The following CTSE variants were observed in gnomAD, a reference collection of about 807,000 sequenced individuals.
CTSE encodes erythrocyte membrane aspartic proteinase.
A neutral mutation model predicts 42.8 loss-of-function variants in CTSE; 43 were observed. The observed-to-expected ratio is 1.01, with a 90% confidence interval of 0.79 to 1.30. The LOEUF (loss-of-function observed/expected upper bound fraction) is 1.30. Among genes scored for constraint, CTSE ranks in the 50% most tolerant of loss-of-function variants. CTSE has a pLI of 0.00. For missense variants in CTSE, 532 were observed against 493.5 expected (o/e 1.08, Z -0.74); for synonymous variants, 205 against 191.5 (o/e 1.07, Z -0.58).
In CTSE at chr1:206,009,850, C is replaced by T. The variant is rs1368222295; in HGVS notation, c.*333G>A. 1 of 329,130 alleles carries T rather than the reference C, an allele frequency of 3.0e-6. No individual in the cohort carries two copies. Among genetic ancestry groups the T allele is most frequent in the East Asian group, 7.0e-5 (1 of 14,388 alleles). 20.4% of individuals were successfully genotyped at this position (329,130 alleles called of 1,614,324 possible). On this transcript the variant is annotated 3_prime_UTR_variant, in exon 9 of 9. Transcript: ENST00000358184. ...TGGAGTTGCAAAGGGATTTATTATA[C>T]CATGATCTCTGCTTGTGCATATGTT... is the stretch of plus-strand genomic sequence containing the variant.
chr1:206,010,849 G>A (rs1553276854), intron 8 of CTSE, among the ~76,000 whole-genome samples: 2 of 152,038 alleles, frequency 1.3e-5, no homozygotes, highest in East Asian at 3.8e-4. Flanking sequence ...TTTAGATGAG[G>A]CAAGTAGGCA....
At chr1:206,017,495 A>T (rs1553277828) in intron 4 of CTSE, among the ~76,000 whole-genome samples, 1 of 151,910 alleles carries the variant, frequency 6.6e-6, no homozygotes, top group Non-Finnish European at 1.5e-5. Flanking sequence ...TATAAATCCA[A>T]ATGATTTTTT....
chr1:206,018,772 T>C (rs782810765), intron 4 of CTSE, among the ~76,000 whole-genome samples: 6 of 152,006 alleles, frequency 3.9e-5, no homozygotes, highest in Non-Finnish European at 7.4e-5. Context: ...CTTTCTTTTT[T>C]CTTATTTAGT....
chr1:206,019,926 C>T (rs1205662392), intron 4 of CTSE, among the ~76,000 whole-genome samples: 1 of 140,742 alleles, frequency 7.1e-6, no homozygotes, highest in Non-Finnish European at 1.5e-5. Context: ...TTATATAACA[C>T]ATACTATATT....
chr1:206,014,018 C>G, intron 5 of CTSE, 124 bp from the exon 6 acceptor site: 1 of 1,091,174 alleles, frequency 9.2e-7, no homozygotes, highest in Non-Finnish European at 1.3e-6. Context: ...AAACATCAGT[C>G]TGGGCTTTGA....
intron 3 of CTSE, chr1:206,021,385 G>A: frequency 1.8e-6 from 1 of 545,332 alleles, no homozygotes; most frequent in Non-Finnish European, 3.3e-6. Flanking sequence ...CTATCCCTGA[G>A]CAAACCTGAT....
intron 5 of CTSE, among the ~76,000 whole-genome samples, chr1:206,015,245 C>T (rs568094070): frequency 6.6e-6 from 1 of 152,206 alleles, no homozygotes; most frequent in South Asian, 2.1e-4. Context: ...TTTTACAGAA[C>T]TGGAACTTTA....
intron 1 of CTSE, 30 bp from the exon 2 acceptor site, chr1:206,023,087 A>G (rs1558156415): frequency 7.3e-7 from 1 of 1,364,646 alleles, no homozygotes; most frequent in Non-Finnish European, 9.8e-7. Context: ...TAAGCAGGAG[A>G]TGTACTTCTG....
At chr1:206,016,580 C>A (rs886200729) in intron 4 of CTSE, among the ~76,000 whole-genome samples, 3 of 151,946 alleles carry the variant, frequency 2.0e-5, no homozygotes, top group African/African-American at 7.2e-5. Flanking sequence ...GTTTACTTTT[C>A]ACATTGCGAT....
chr1:206,023,856 A>G lies in CTSE; in HGVS notation c.-65T>C. 1.3e-6 allele frequency: 2 copies of G among 1,546,454 alleles called. No individual in the cohort carries two copies. Among genetic ancestry groups the G allele is most frequent in the East Asian group, 4.5e-5 (2 of 44,410 alleles). ...TCTTCTCTCCCCGAGGGCAGTGGGA[A>G]CGGACTTTCCCTAACTCTCAGACCT... is the stretch of plus-strand genomic sequence containing the variant. On this transcript the variant is annotated 5_prime_UTR_variant, in exon 1 of 9. Transcript: ENST00000358184.
chr1:206,019,704 T>C (rs1553278106), intron 4 of CTSE, among the ~76,000 whole-genome samples: 1 of 147,566 alleles, frequency 6.8e-6, no homozygotes, highest in Non-Finnish European at 1.5e-5. Context: ...ATTAGATATA[T>C]AATATATATG....
At chr1:206,012,047 A>G (rs976343790) in intron 8 of CTSE, among the ~76,000 whole-genome samples, 1 of 152,098 alleles carries the variant, frequency 6.6e-6, no homozygotes, top group Non-Finnish European at 1.5e-5. Flanking sequence ...AAAGCCCTAC[A>G]TGGCAATATC....
At position 206,012,262 on chromosome 1, in the gene CTSE, T is replaced by C; in HGVS notation, c.1026+46A>G. On this transcript the variant is annotated intron_variant, in intron 8 of 8. Coordinates refer to ENST00000358184, the MANE Select transcript of CTSE (RefSeq NM_001910.4). ...GATTGAAAAGGGGAAGTGGCAGGCA[T>C]GTGGGGAGGGCCCTGTGGCCTGCAG... 4.7e-6 allele frequency: 7 copies of C among 1,476,096 alleles called. 1 individual carries two copies. The highest frequency in any genetic ancestry group is 6.6e-6 in the Non-Finnish European group (7 of 1,060,196). 91.4% of individuals were successfully genotyped at this position (1,476,096 alleles called of 1,614,324 possible). A position where few individuals can be genotyped will look rare whatever the true frequency, so the allele number is the denominator to read the frequency against.
rs1378731406 is a variant in CTSE at position 206,009,857 on chromosome 1, C to A, written c.*326G>T. The A allele has an allele frequency of 5.9e-6, 2 of 338,094 alleles. No individual in the cohort carries two copies. Among genetic ancestry groups the A allele is most frequent in the Non-Finnish European group, 1.1e-5 (2 of 177,264 alleles). The allele number at this position is 338,094 out of a possible 1,614,324, so 20.9% of individuals were successfully genotyped here. A position where few individuals can be genotyped will look rare whatever the true frequency, so the allele number is the denominator to read the frequency against. On this transcript the variant is annotated 3_prime_UTR_variant, in exon 9 of 9. Coordinates refer to ENST00000358184, the MANE Select transcript of CTSE (RefSeq NM_001910.4). ...GCAAAGGGATTTATTATACCATGATCTCTGCTTGTGCATATGTTTGGAGAT... is the reference window on the plus strand; with the variant it reads ...GCAAAGGGATTTATTATACCATGATATCTGCTTGTGCATATGTTTGGAGAT...
intron 5 of CTSE, 30 bp downstream of exon 5, chr1:206,015,901 C>T (rs371210346): frequency 8.7e-6 from 14 of 1,606,122 alleles, no homozygotes; most frequent in Non-Finnish European, 1.2e-5. Flanking sequence ...TTATAACTGA[C>T]TTTAACCTCA....
chr1:206,017,673 A>G (rs1310606569), intron 4 of CTSE, among the ~76,000 whole-genome samples: 1 of 151,848 alleles, frequency 6.6e-6, no homozygotes, highest in Non-Finnish European at 1.5e-5. Context: ...TATTTTTAGT[A>G]GAGAAATGTT....
rs1661019661 is a variant in CTSE, at chr1:206,009,431, C to T, written c.*752G>A. ...GTATTTTTGCCACAAAATCAGACCTCCAGATCTAACTACCATTTTATAGGA... is the reference window on the plus strand; with the variant it reads ...GTATTTTTGCCACAAAATCAGACCTTCAGATCTAACTACCATTTTATAGGA... On this transcript the variant is annotated 3_prime_UTR_variant, in exon 9 of 9. Coordinates refer to ENST00000358184, the MANE Select transcript of CTSE (RefSeq NM_001910.4). 1 of 152,180 alleles carries T rather than the reference C, an allele frequency of 6.6e-6. No homozygotes were observed. The highest frequency in any genetic ancestry group is 6.5e-5 in the Admixed American group (1 of 15,286). The allele number at this position is 152,180 out of a possible 1,614,324, so 9.4% of individuals were successfully genotyped here.
chr1:206,023,456 G>T (rs1553278802), intron 1 of CTSE, among the ~76,000 whole-genome samples: 2 of 151,956 alleles, frequency 1.3e-5, no homozygotes, highest in Non-Finnish European at 2.9e-5. Context: ...AACCACAACT[G>T]CAGGTTCCTG....
intron 7 of CTSE, 38 bp downstream of exon 7, chr1:206,012,470 C>G: frequency 6.2e-7 from 1 of 1,613,904 alleles, no homozygotes; most frequent in Non-Finnish European, 8.5e-7. Flanking sequence ...GCCTGGCTCT[C>G]CTGTCCCCAC....
Sources: gnomAD v4.1 joint callset for allele counts (sites outside exome capture counted in the v4.1 genomes callset) on GRCh38, gnomAD v4.1.1 for gene constraint, MANE v1.5 for transcripts, NCBI Gene and HGNC (gene_info 2026-07-23, HGNC 2026-07-21) for gene names.